TRIM44: variants seen among roughly 807,000 people sequenced by gnomAD.
TRIM44 encodes the protein tripartite motif-containing protein 44.
In TRIM44, 13 loss-of-function variants were observed where a neutral mutation model predicts 37.4. The observed-to-expected ratio is 0.35, with a 90% CI of 0.23 to 0.55. TRIM44 has a LOEUF of 0.55. Ranked by LOEUF, TRIM44 falls within the 20% of genes least tolerant of loss-of-function variation. The pLI, the probability that TRIM44 is intolerant of heterozygous loss-of-function variation, is 0.89. For synonymous variants in TRIM44, 175 were observed against 157.2 expected, an observed-to-expected ratio of 1.11 and a Z score of -0.85; for missense variants, 426 against 437.2, an observed-to-expected ratio of 0.97 and a Z score of 0.23.
At chr11:35,768,962 A>G (rs1852831383) in intron 4 of TRIM44, among the ~76,000 whole-genome samples, 1 of 152,232 alleles carries the variant, frequency 6.6e-6, no homozygotes, top group Admixed American at 6.5e-5. Flanking sequence ...ACAAACATTT[A>G]AAAATTAGAA....
At chr11:35,713,725 G>C (rs147439767) in intron 2 of TRIM44, among the ~76,000 whole-genome samples, 1 of 152,110 alleles carries the variant, frequency 6.6e-6, no homozygotes, top group Non-Finnish European at 1.5e-5. Context: ...TGTGGTTCTT[G>C]GGTAAGCAGG....
chr11:35,769,511 T>C (rs1167891785), intron 4 of TRIM44, among the ~76,000 whole-genome samples: 3 of 149,128 alleles, frequency 2.0e-5, no homozygotes, highest in Non-Finnish European at 4.4e-5. Flanking sequence ...TCAGGACTTA[T>C]TAGAATGTGG....
At chr11:35,674,200 T>C (rs1294962466) in intron 1 of TRIM44, among the ~76,000 whole-genome samples, 3 of 150,692 alleles carry the variant, frequency 2.0e-5, no homozygotes, top group Non-Finnish European at 4.4e-5. Flanking sequence ...GAGAGTTGAA[T>C]CTTGTGTGTG....
chr11:35,782,405 G>A (rs923834891), intron 4 of TRIM44, among the ~76,000 whole-genome samples: 11 of 152,252 alleles, frequency 7.2e-5, no homozygotes, highest in Admixed American at 5.2e-4. Flanking sequence ...GTTCTGTTTT[G>A]AGGAACAGAA....
chr11:35,746,446 C>CTT (rs5791065), intron 4 of TRIM44, among the ~76,000 whole-genome samples: 7,266 of 93,304 alleles, frequency 0.078, 736 homozygotes, highest in African/African-American at 0.19. Flanking sequence ...GGGGGTCCTT[C>CTT]TTTTTTTTTT....
At chr11:35,720,077 A>G (rs1325108569) in intron 2 of TRIM44, among the ~76,000 whole-genome samples, 1 of 152,204 alleles carries the variant, frequency 6.6e-6, no homozygotes, top group Non-Finnish European at 1.5e-5. Context: ...CCACAAAATA[A>G]CTTGCTAGGA....
At chr11:35,736,164 A>G (rs988195760) in intron 4 of TRIM44, among the ~76,000 whole-genome samples, 2 of 152,190 alleles carry the variant, frequency 1.3e-5, no homozygotes, top group African/African-American at 4.8e-5. Flanking sequence ...CATCTGTCAC[A>G]TAGAATCAAG....
At chr11:35,737,879 C>T (rs752646379) in intron 4 of TRIM44, among the ~76,000 whole-genome samples, 7 of 152,096 alleles carry the variant, frequency 4.6e-5, no homozygotes, top group Non-Finnish European at 1.0e-4. Flanking sequence ...GCCTGGGAGA[C>T]TAGTTAGACT....
chr11:35,668,752 T>C (rs934186914), intron 1 of TRIM44, among the ~76,000 whole-genome samples: 4 of 152,370 alleles, frequency 2.6e-5, no homozygotes, highest in East Asian at 1.9e-4. Flanking sequence ...CTAGGTATTA[T>C]TGTTTTACAT....
intron 4 of TRIM44, among the ~76,000 whole-genome samples, chr11:35,740,148 T>G (rs1235822960): frequency 1.3e-5 from 2 of 151,592 alleles, no homozygotes; most frequent in Non-Finnish European, 2.9e-5. Context: ...AGTGATTTTT[T>G]TTTTTTTTCC....
chr11:35,753,187 A>G (rs1393818565), intron 4 of TRIM44, among the ~76,000 whole-genome samples: 1 of 152,204 alleles, frequency 6.6e-6, no homozygotes, highest in Non-Finnish European at 1.5e-5. Context: ...AAATGGGGAT[A>G]ATAAGGTGAT....
chr11:35,737,667 C>G (rs1282881355), intron 4 of TRIM44, among the ~76,000 whole-genome samples: 1 of 152,106 alleles, frequency 6.6e-6, no homozygotes, highest in Admixed American at 6.5e-5. Context: ...GAAACCCTCT[C>G]TCTACCAAAA....
At chr11:35,789,325 G>C (rs1331609469) in intron 4 of TRIM44, among the ~76,000 whole-genome samples, 1 of 152,190 alleles carries the variant, frequency 6.6e-6, no homozygotes, top group Non-Finnish European at 1.5e-5. Flanking sequence ...GAGAGCCTTA[G>C]AAATCATCTA....
At chr11:35,796,616 C>A (rs1446609414) in intron 4 of TRIM44, among the ~76,000 whole-genome samples, 1 of 152,108 alleles carries the variant, frequency 6.6e-6, no homozygotes, top group Non-Finnish European at 1.5e-5. Flanking sequence ...CCTGAAATTG[C>A]CTGGGCCCTA....
intron 4 of TRIM44, among the ~76,000 whole-genome samples, chr11:35,759,748 T>C (rs1004350296): frequency 2.6e-5 from 4 of 152,336 alleles, no homozygotes; most frequent in Admixed American, 2.0e-4. Flanking sequence ...TGTTGGAGTT[T>C]CCTGGAGGTC....
intron 4 of TRIM44, among the ~76,000 whole-genome samples, chr11:35,754,394 C>CAA (rs1007092662): frequency 6.6e-6 from 1 of 152,196 alleles, no homozygotes; most frequent in African/African-American, 2.4e-5. Flanking sequence ...TATGGAGACT[C>CAA]ACTGCCTGTC....
At chr11:35,788,749 G>A (rs1457856362) in intron 4 of TRIM44, among the ~76,000 whole-genome samples, 1 of 152,194 alleles carries the variant, frequency 6.6e-6, no homozygotes, top group Non-Finnish European at 1.5e-5. Flanking sequence ...TGGGCAAAAA[G>A]AGGCATGTGA....
At chr11:35,767,698 T>C (rs1565011494) in intron 4 of TRIM44, among the ~76,000 whole-genome samples, 1 of 152,210 alleles carries the variant, frequency 6.6e-6, no homozygotes. Flanking sequence ...TTTGAAGTTA[T>C]ACAGACACGA....
chr11:35,730,497 A>T (rs1564983319), intron 3 of TRIM44, among the ~76,000 whole-genome samples: 5 of 152,218 alleles, frequency 3.3e-5, no homozygotes, highest in Admixed American at 1.3e-4. Context: ...AGCAGAGTGA[A>T]CCTAAGCAAG....
Sources: allele counts gnomAD v4.1 joint callset (sites outside exome capture counted in the v4.1 genomes callset), GRCh38; gene constraint gnomAD v4.1.1; transcripts MANE v1.5; gene names NCBI Gene and HGNC (gene_info 2026-07-23, HGNC 2026-07-21).